PCDHGA1: variants seen among roughly 807,000 people sequenced by gnomAD.
The protein encoded by PCDHGA1 is protocadherin gamma-A1.
In PCDHGA1, 32 loss-of-function variants were observed where a neutral mutation model predicts 58.0. That is an observed-to-expected ratio of 0.55 (90% CI 0.42 to 0.74). The LOEUF is 0.74. Among genes scored for constraint, PCDHGA1 ranks in the 30% least tolerant of loss-of-function variants. The probability of loss-of-function intolerance (pLI) is 0.00; values close to 1 mark genes in which losing one functional copy is unlikely to be tolerated. For synonymous variants in PCDHGA1, 498 were observed against 501.1 expected (o/e 0.99, Z 0.08); for missense variants, 1,205 against 1,182.3 (o/e 1.02, Z -0.28).
chr5:141,401,623 T>A (rs1418194568), intron 1 of PCDHGA1, among the ~76,000 whole-genome samples: 1 of 152,230 alleles, frequency 6.6e-6, no homozygotes, highest in African/African-American at 2.4e-5. Flanking sequence ...GGATTTGTCT[T>A]ATCGTTTGGA....
At chr5:141,352,315 G>A (rs1438457932) in intron 1 of PCDHGA1, 3 of 1,614,064 alleles carry the variant, frequency 1.9e-6, no homozygotes, top group Non-Finnish European at 1.7e-6. Context: ...CGGAACTGCA[G>A]TTTTACCTGG....
Position 141,490,220 on chromosome 5 carries a change from A to G in PCDHGA1, c.2422-4587A>G. 6.2e-7 allele frequency: 1 copy of G among 1,614,252 alleles called. No individual in the cohort carries two copies. Among genetic ancestry groups the G allele is most frequent in the Non-Finnish European group, 8.5e-7 (1 of 1,180,044 alleles). On this transcript the variant is annotated intron_variant, in intron 1 of 3. Coordinates refer to ENST00000517417, the MANE Select transcript of PCDHGA1 (RefSeq NM_018912.3). This position sits in a 1 kb window ranked among gnomAD's most constrained non-coding sequence, Gnocchi z 5.4. The stretch of plus-strand genomic sequence containing the variant: ...CATGCAAGAGCCCGTGACCAGGGAC[A>G]GCCTGCCATGGAGGGCCACTGTGTG...
At chr5:141,350,359 C>T (rs978022862) in intron 1 of PCDHGA1, 1 of 1,570,278 alleles carries the variant, frequency 6.4e-7, no homozygotes, top group Non-Finnish European at 8.6e-7. Flanking sequence ...AGATCCGATA[C>T]ACGATTCCAG....
At chr5:141,389,341 CT>C in intron 1 of PCDHGA1, 1 of 1,614,016 alleles carries the variant, frequency 6.2e-7, no homozygotes, top group Admixed American at 1.7e-5. Flanking sequence ...GGCCAAGTCT[CT>C]TACTGCATCA....
At chr5:141,488,951 A>G (rs2099680664) in intron 1 of PCDHGA1, among the ~76,000 whole-genome samples, 1 of 152,118 alleles carries the variant, frequency 6.6e-6, no homozygotes, top group Admixed American at 6.5e-5. Flanking sequence ...ATTGGTTGAG[A>G]GCACACAGAC....
In PCDHGA1 at chr5:141,334,045, C is replaced by T. The variant is rs969948861; in HGVS notation, c.2421+940C>T. On this transcript the variant is annotated intron_variant, in intron 1 of 3. Coordinates refer to ENST00000517417, the MANE Select transcript of PCDHGA1 (RefSeq NM_018912.3). The surrounding 1 kb of genome is among the most constrained non-coding windows in gnomAD (Gnocchi z 4.6). Reference sequence around the variant, plus strand: ...TTTCAGAAGAAAAAAAAAGTATGGTCGGGGAGTAAGTCCATGCTTTGATGT... The same window carrying T: ...TTTCAGAAGAAAAAAAAAGTATGGTTGGGGAGTAAGTCCATGCTTTGATGT... 3 of 151,986 alleles carry T rather than the reference C, an allele frequency of 2.0e-5. No homozygotes were observed. Among genetic ancestry groups the T allele is most frequent in the Non-Finnish European group, 2.9e-5 (2 of 68,022 alleles). The allele number at this position is 151,986 out of a possible 1,614,324, so 9.4% of individuals were successfully genotyped here. A position where few individuals can be genotyped will look rare whatever the true frequency, so the allele number is the denominator to read the frequency against.
At chr5:141,460,951 G>GTATATATATA (rs200454978) in intron 1 of PCDHGA1, among the ~76,000 whole-genome samples, 1 of 139,722 alleles carries the variant, frequency 7.2e-6, no homozygotes, top group African/African-American at 2.8e-5. Context: ...TATGTATTAT[G>GTATATATATA]TATATATATA....
chr5:141,364,966 C>T (rs1325168008), intron 1 of PCDHGA1: 1 of 1,613,938 alleles, frequency 6.2e-7, no homozygotes, highest in South Asian at 1.1e-5. Context: ...ACCTCCTCCT[C>T]ACAGCTTTAG....
intron 1 of PCDHGA1, among the ~76,000 whole-genome samples, chr5:141,396,987 T>C (rs2093462210): frequency 6.6e-6 from 1 of 152,232 alleles, no homozygotes; most frequent in Admixed American, 6.5e-5. Context: ...GCTAGTTGTT[T>C]TTATTAATCT....
At chr5:141,398,936 AC>A in intron 1 of PCDHGA1, 1 of 1,613,962 alleles carries the variant, frequency 6.2e-7, no homozygotes, top group East Asian at 2.2e-5. Context: ...ACTGACCAAG[AC>A]GAGGGCATCA....
intron 1 of PCDHGA1, chr5:141,398,251 C>G (rs753114593): frequency 6.8e-7 from 1 of 1,464,006 alleles, no homozygotes; most frequent in East Asian, 2.5e-5. Flanking sequence ...CGAGGAAATG[C>G]CCAAGGGCTC....
In PCDHGA1 at chr5:141,432,908, C is replaced by T. The variant is rs757934634; in HGVS notation, c.2422-61899C>T. On this transcript the variant is annotated intron_variant, in intron 1 of 3. Transcript: ENST00000517417. This position sits in a 1 kb window ranked among gnomAD's most constrained non-coding sequence, Gnocchi z 6.0. Reference sequence around the variant, plus strand: ...CATCTTGCTGCTGGCGCTCAGGCTGCGGCGCTGGCACAAGTCACGCCTGCT... The same window carrying T: ...CATCTTGCTGCTGGCGCTCAGGCTGTGGCGCTGGCACAAGTCACGCCTGCT... 3.7e-5 allele frequency: 60 copies of T among 1,614,050 alleles called. No individual in the cohort carries two copies. Among genetic ancestry groups the T allele is most frequent in the Middle Eastern group, 3.3e-4 (2 of 6,082 alleles).
chr5:141,451,358 T>C (rs537863729), intron 1 of PCDHGA1, among the ~76,000 whole-genome samples: 1 of 152,326 alleles, frequency 6.6e-6, no homozygotes, highest in African/African-American at 2.4e-5. Flanking sequence ...CAACAGAGGA[T>C]GGATCCGCTT....
chr5:141,374,657 CCGGAGCTGGTGCTGG>C (rs780169875), intron 1 of PCDHGA1: 1 of 1,612,018 alleles, frequency 6.2e-7, no homozygotes, highest in Admixed American at 1.7e-5. Context: ...GCCCAAGTAC[CCGGAGCTGGTGCTGG>C]AGGGCACACT....
At chr5:141,413,219 G>C in intron 1 of PCDHGA1, 1 of 1,613,506 alleles carries the variant, frequency 6.2e-7, no homozygotes, top group Non-Finnish European at 8.5e-7. Context: ...AAGGATTGCA[G>C]CGGGCTGGTC....
intron 1 of PCDHGA1, chr5:141,409,246 C>A (rs771759898): frequency 1.2e-6 from 2 of 1,614,032 alleles, no homozygotes; most frequent in Admixed American, 3.3e-5. Context: ...CAGAAATAAT[C>A]ATCACTTCTC....
intron 1 of PCDHGA1, chr5:141,410,789 A>C: frequency 1.3e-6 from 1 of 794,444 alleles, no homozygotes; most frequent in Non-Finnish European, 1.8e-6. Context: ...TATTTGGTTC[A>C]TAAGTTGCTC....
intron 1 of PCDHGA1, chr5:141,398,713 C>G (rs772426523): frequency 6.2e-7 from 1 of 1,613,828 alleles, no homozygotes; most frequent in Non-Finnish European, 8.5e-7. Context: ...GGAACTGGCA[C>G]TGGAGAAAAC....
intron 1 of PCDHGA1, chr5:141,404,077 C>T: frequency 6.2e-7 from 1 of 1,613,742 alleles, no homozygotes; most frequent in East Asian, 2.2e-5. Flanking sequence ...ATGACCGAGA[C>T]TCCGGGAAGA....
Sources: gnomAD v4.1 joint callset for allele counts (sites outside exome capture counted in the v4.1 genomes callset) on GRCh38, gnomAD v4.1.1 for gene constraint, Gnocchi (gnomAD v3.1) non-coding constraint, MANE v1.5 for transcripts, NCBI Gene and HGNC (gene_info 2026-07-23, HGNC 2026-07-21) for gene names.